The following MAST4 variants were observed in gnomAD, a reference collection of about 807,000 sequenced individuals.
The protein encoded by MAST4 is microtubule associated serine/threonine kinase family member 4, also known as microtubule-associated serine/threonine-protein kinase 4.
Under a neutral mutation model 162.7 loss-of-function variants are expected in MAST4, and 89 were observed. The ratio of observed to expected loss-of-function variants is 0.55; its 90% CI spans 0.46 to 0.65. The LOEUF is 0.65. Ranked by LOEUF, MAST4 falls within the 30% of genes least tolerant of loss-of-function variation. The probability of loss-of-function intolerance (pLI) is 0.00; values close to 1 mark genes in which losing one functional copy is unlikely to be tolerated. For synonymous variants in MAST4, 1,479 were observed against 1,361.1 expected, an observed-to-expected ratio of 1.09 and a Z score of -1.91; for missense variants, 3,153 against 3,374.0, an observed-to-expected ratio of 0.93 and a Z score of 1.62.
At chr5:66,898,332 C>T (rs548949759) in intron 3 of MAST4, among the ~76,000 whole-genome samples, 23 of 152,290 alleles carry the variant, frequency 1.5e-4, no homozygotes, top group African/African-American at 4.8e-4. Flanking sequence ...TGAGCTATTA[C>T]TTCTAGGAAG....
intron 3 of MAST4, among the ~76,000 whole-genome samples, chr5:66,844,169 G>A (rs1027607895): frequency 6.7e-6 from 1 of 149,644 alleles, no homozygotes; most frequent in East Asian, 2.0e-4. Context: ...GTGTGTGTGT[G>A]TGTGTGTGTG....
intron 4 of MAST4, among the ~76,000 whole-genome samples, chr5:66,952,580 C>A (rs1744835269): frequency 6.6e-6 from 1 of 152,172 alleles, no homozygotes; most frequent in Non-Finnish European, 1.5e-5. Flanking sequence ...TGATACAATC[C>A]TTGAGACCCA....
rs539901028 is a variant in MAST4, at chr5:66,695,401, C to T, written c.364-64308C>T. On this transcript the variant is annotated intron_variant, in intron 1 of 28. Coordinates refer to ENST00000403625, the MANE Select transcript of MAST4 (RefSeq NM_001164664.2). ...GTCTGTTTTTGTACCAGTACTATAC[C>T]GTTTTGGTTACTGTTGCCTTGTAGT... Among the ~76,000 whole-genome samples the T allele has an allele frequency of 1.8e-4, 27 of 152,088 alleles. No homozygotes were observed. The East Asian group carries it at 3.1e-3, about 17-fold the overall frequency.
intron 9 of MAST4, among the ~76,000 whole-genome samples, 169 bp from the exon 10 acceptor site, chr5:67,104,197 T>C (rs1424863487): frequency 6.6e-6 from 1 of 152,250 alleles, no homozygotes; most frequent in East Asian, 1.9e-4. Flanking sequence ...TGATGACATG[T>C]ATGTACCATT....
intron 4 of MAST4, among the ~76,000 whole-genome samples, chr5:66,905,326 AAATGG>A (rs1763283594): frequency 1.5e-5 from 2 of 137,068 alleles, no homozygotes; most frequent in African/African-American, 2.9e-5. Flanking sequence ...AAAAAAAAAA[AAATGG>A]GATATCCAGC....
intron 10 of MAST4, among the ~76,000 whole-genome samples, chr5:67,106,815 AG>A: frequency 6.6e-6 from 1 of 152,292 alleles, no homozygotes; most frequent in South Asian, 2.1e-4. Context: ...TTTGAGCAAC[AG>A]GAGTCACCTC....
At position 67,166,142 on chromosome 5, in the gene MAST4, C is replaced by G; in HGVS notation, c.6963C>G (p.Ser2321=). The G allele has an allele frequency of 6.3e-7, 1 of 1,586,306 alleles. No individual in the cohort carries two copies. Among genetic ancestry groups the G allele is most frequent in the South Asian group, 1.1e-5 (1 of 87,688 alleles). The change falls in exon 29 of 29, where the codon TCC becomes TCG. Residue 2321 remains serine (S), a synonymous_variant. Transcript: ENST00000403625. Reference sequence around the variant, plus strand: ...GTGAGCCAGCGGACCAGAAACTGTCCGCTGTTGGTGAAAAGCAAACCCTGT... The same window carrying G: ...GTGAGCCAGCGGACCAGAAACTGTCGGCTGTTGGTGAAAAGCAAACCCTGT... The part of the protein sequence containing the change: ...GPSEPADQKL[S]AVGEKQTLSP...
Position 67,165,954 on chromosome 5 carries a change from A to G in MAST4, c.6775A>G (p.Lys2259Glu), listed in dbSNP as rs1324704227. The G allele has an allele frequency of 1.9e-6, 3 of 1,613,322 alleles. No individual in the cohort carries two copies. The African/African-American group carries it at 4.0e-5, about 22-fold the overall frequency. Residue 2259 changes from lysine (K) to glutamate (E), a missense_variant, in exon 29 of 29, where the codon AAA (lysine) becomes GAA (glutamate). Physicochemically the swap from Lys to Glu is moderately conservative, Grantham distance 56. Around this residue, in one of 7 missense-constraint regions of MAST4, gnomAD observed 1,644 missense variants for 1,495.0 expected, o/e 1.10. Coordinates refer to ENST00000403625, the MANE Select transcript of MAST4 (RefSeq NM_001164664.2). ...TCCTGCTACCCCAGGCTCCCAGAAC[A>G]AAGCCAGCGATGGGATTGGCCAGGG... is the stretch of plus-strand genomic sequence containing the variant. ...VFPATPGSQN[K>E]ASDGIGQGEG...
chr5:67,067,097 T>A (rs1318637236), intron 5 of MAST4, among the ~76,000 whole-genome samples: 1 of 152,238 alleles, frequency 6.6e-6, no homozygotes, highest in African/African-American at 2.4e-5. Flanking sequence ...GTCACACTTT[T>A]GTTCCTGCCA....
At chr5:66,821,707 G>C (rs1450611519) in intron 3 of MAST4, among the ~76,000 whole-genome samples, 1 of 152,150 alleles carries the variant, frequency 6.6e-6, no homozygotes, top group Non-Finnish European at 1.5e-5. Flanking sequence ...AGGCATGTGA[G>C]GCTCAGCTCA....
chr5:66,955,414 G>T (rs1745194171), intron 4 of MAST4, among the ~76,000 whole-genome samples: 1 of 152,050 alleles, frequency 6.6e-6, no homozygotes, highest in South Asian at 2.1e-4. Context: ...GTGTCAGGGA[G>T]GGAGCTGTAG....
chr5:67,073,765 G>A (rs1761253651), intron 5 of MAST4, among the ~76,000 whole-genome samples: 1 of 152,144 alleles, frequency 6.6e-6, no homozygotes. Flanking sequence ...AGATGATACT[G>A]GGAAAAGTAT....
intron 26 of MAST4, among the ~76,000 whole-genome samples, chr5:67,154,598 A>G (rs1361964342): frequency 6.6e-6 from 1 of 152,178 alleles, no homozygotes; most frequent in African/African-American, 2.4e-5. Context: ...TCTTGCCCTC[A>G]TCTGGCTACG....
intron 8 of MAST4, among the ~76,000 whole-genome samples, chr5:67,102,024 C>T (rs2150858392): frequency 6.7e-6 from 1 of 149,878 alleles, no homozygotes; most frequent in Middle Eastern, 3.4e-3. Flanking sequence ...TAAATATTTG[C>T]TAGGCTAGAA....
intron 14 of MAST4, among the ~76,000 whole-genome samples, chr5:67,126,638 T>C (rs1365794770): frequency 6.6e-6 from 1 of 152,206 alleles, no homozygotes; most frequent in Non-Finnish European, 1.5e-5. Context: ...GCTGTTTTTC[T>C]TATGGTAGCC....
intron 2 of MAST4, among the ~76,000 whole-genome samples, chr5:66,784,303 A>G (rs1374533559): frequency 6.6e-6 from 1 of 152,210 alleles, no homozygotes; most frequent in Admixed American, 6.5e-5. Context: ...AATATTATAA[A>G]ATATGTACAG....
At position 67,118,750 on chromosome 5, in the gene MAST4, G is replaced by C. The variant is rs866692311; in HGVS notation, c.1659+1G>C. 26 of 1,532,586 alleles carry C rather than the reference G, an allele frequency of 1.7e-5. No homozygotes were observed. The East Asian group carries it at 4.9e-4, about 29-fold the overall frequency. The allele number at this position is 1,532,586 out of a possible 1,614,324, so 94.9% of individuals were successfully genotyped here. A position where few individuals can be genotyped will look rare whatever the true frequency, so the allele number is the denominator to read the frequency against. ...ACCAGAAACAGATGAATCAGTGAGT[G>C]TAAGTATATTTCTTGATGAAATATG... On this transcript the variant is annotated splice_donor_variant, in intron 13 of 28. Transcript: ENST00000403625. LOFTEE classifies it high-confidence loss of function.
At chr5:66,970,637 T>A (rs1239171159) in intron 4 of MAST4, among the ~76,000 whole-genome samples, 1 of 152,212 alleles carries the variant, frequency 6.6e-6, no homozygotes, top group African/African-American at 2.4e-5. Context: ...TCACATTAAC[T>A]TTTCTGTTTT....
chr5:66,803,136 A>G (rs986064643), intron 3 of MAST4, among the ~76,000 whole-genome samples: 2 of 152,120 alleles, frequency 1.3e-5, no homozygotes, highest in African/African-American at 4.8e-5. Flanking sequence ...TCCTGGCAAC[A>G]TTGTTGTAAT....
Sources: allele counts gnomAD v4.1 joint callset (sites outside exome capture counted in the v4.1 genomes callset), GRCh38; gene constraint gnomAD v4.1.1; regional missense constraint gnomAD v4.1.1; transcripts MANE v1.5; gene names NCBI Gene and HGNC (gene_info 2026-07-23, HGNC 2026-07-21).